EIF4ENIF1: variants seen among roughly 807,000 people sequenced by gnomAD.
EIF4ENIF1 encodes eukaryotic translation initiation factor 4E transporter.
A neutral mutation model predicts 110.5 loss-of-function variants in EIF4ENIF1; 23 were observed. The ratio of observed to expected loss-of-function variants is 0.21; its 90% confidence interval spans 0.15 to 0.29. The LOEUF (loss-of-function observed/expected upper bound fraction) is 0.29. EIF4ENIF1 is among the 10% of genes least tolerant of loss of function. The pLI is 1.00. For synonymous variants in EIF4ENIF1, 440 were observed against 437.0 expected (o/e 1.01, Z -0.09); for missense variants, 1,031 against 1,221.1 (o/e 0.84, Z 2.32).
In EIF4ENIF1 at chr22:31,462,929, G is replaced by A. The variant is rs776459554; in HGVS notation, c.787+3C>T. 1 of 1,613,274 alleles carries A rather than the reference G, an allele frequency of 6.2e-7. No individual in the cohort carries two copies. The highest frequency in any genetic ancestry group is 8.5e-7 in the Non-Finnish European group (1 of 1,179,814). ...GAACTTCCCTCCCAAAGTTTGAACT[G>A]ACCTTCCTTCACAGAGGCTGTCCGT... On this transcript the variant is annotated splice_donor_region_variant and intron_variant, in intron 6 of 18. Transcript: ENST00000330125.
intron 2 of EIF4ENIF1, among the ~76,000 whole-genome samples, chr22:31,477,357 C>CAAAAAAAAAAAAA (rs749894840): frequency 6.4e-5 from 3 of 46,854 alleles, no homozygotes; most frequent in East Asian, 1.1e-3. Context: ...CCTCTGTCTC[C>CAAAAAAAAAAAAA]AAAAAAAAAA....
At chr22:31,448,283 G>C (rs1340647135) in intron 12 of EIF4ENIF1, 51 bp from the exon 13 acceptor site, 3 of 1,576,202 alleles carry the variant, frequency 1.9e-6, no homozygotes, top group African/African-American at 1.4e-5. Context: ...GTGTGCATCA[G>C]GGAGGCATTT....
At position 31,462,904 on chromosome 22, in the gene EIF4ENIF1, GA is replaced by G. The variant is rs1336980896; in HGVS notation, c.787+27del. 2.5e-6 allele frequency: 4 copies of G among 1,609,344 alleles called. No homozygotes were observed. The African/African-American group carries it at 4.0e-5, about 16-fold the overall frequency. ...AGCCTACATCTCATTTTAAAACAGC[GA>G]ACTTCCCTCCCAAAGTTTGAACTGA... On this transcript the variant is annotated intron_variant, in intron 6 of 18. Coordinates refer to ENST00000330125, the MANE Select transcript of EIF4ENIF1 (RefSeq NM_019843.4).
chr22:31,484,377 C>T (rs1007133178), intron 2 of EIF4ENIF1, among the ~76,000 whole-genome samples: 4 of 152,084 alleles, frequency 2.6e-5, no homozygotes, highest in African/African-American at 9.7e-5. Flanking sequence ...AAAAACTCTT[C>T]GAATTCTGAA....
In EIF4ENIF1 at chr22:31,441,932, G is replaced by A. The variant is rs1287648254; in HGVS notation, c.2393C>T (p.Pro798Leu). ...GCGGAGAAAAGGTGTTGTAGGAACTGGGGATGCCAAGGTGGGTGTTTTTCT... is the reference window on the plus strand; with the variant it reads ...GCGGAGAAAAGGTGTTGTAGGAACTAGGGATGCCAAGGTGGGTGTTTTTCT... ...TGRKTPTLAS[P>L]VPTTPFLRPV... is the part of the protein sequence containing the mutation. Residue 798 changes from proline to leucine, a missense_variant, in exon 17 of 19, where the codon CCA (proline) becomes CTA (leucine). Physicochemically the swap from Pro to Leu is moderately conservative, Grantham distance 98. Transcript: ENST00000330125. The A allele has an allele frequency of 1.2e-6, 2 of 1,614,070 alleles. No homozygotes were observed. Among genetic ancestry groups the A allele is most frequent in the Non-Finnish European group, 1.7e-6 (2 of 1,180,048 alleles).
intron 17 of EIF4ENIF1, among the ~76,000 whole-genome samples, chr22:31,441,548 A>AG (rs1339524866): frequency 2.2e-5 from 3 of 137,068 alleles, no homozygotes; most frequent in African/African-American, 5.7e-5. Flanking sequence ...CTCTACAAAA[A>AG]GGAAAAAAAA....
intron 10 of EIF4ENIF1, among the ~76,000 whole-genome samples, chr22:31,453,809 A>G (rs2050743540): frequency 6.6e-6 from 1 of 152,238 alleles, no homozygotes; most frequent in African/African-American, 2.4e-5. Context: ...AAGTAGCTGA[A>G]TAACAAGAAA....
chr22:31,492,010 G>T (rs903763319), upstream of EIF4ENIF1, among the ~76,000 whole-genome samples: 2 of 152,196 alleles, frequency 1.3e-5, no homozygotes, highest in African/African-American at 4.8e-5. Context: ...CACCAGTGGG[G>T]GCAGCCCAAA....
At chr22:31,456,433 C>T (rs1209483556) in intron 7 of EIF4ENIF1, among the ~76,000 whole-genome samples, 18 of 151,898 alleles carry the variant, frequency 1.2e-4, no homozygotes, top group Non-Finnish European at 2.6e-4. Context: ...CCGTGTTAGC[C>T]AGGATGGTCT....
chr22:31,491,535 G>A (rs775162061), upstream of EIF4ENIF1, among the ~76,000 whole-genome samples: 2 of 152,148 alleles, frequency 1.3e-5, no homozygotes, highest in Non-Finnish European at 2.9e-5. Flanking sequence ...TAGGCTTGCA[G>A]AGGGAATTAA....
chr22:31,484,289 A>G (rs891893508), intron 2 of EIF4ENIF1, among the ~76,000 whole-genome samples: 6 of 152,166 alleles, frequency 3.9e-5, no homozygotes, highest in Non-Finnish European at 7.3e-5. Context: ...GTCTTCACAC[A>G]AAAGGAAACT....
chr22:31,464,284 C>G (rs765739648), intron 4 of EIF4ENIF1: 1 of 266,328 alleles, frequency 3.8e-6, no homozygotes, highest in Non-Finnish European at 7.0e-6. Flanking sequence ...TAATAAACTA[C>G]AGCAGGCGTA....
intron 2 of EIF4ENIF1, among the ~76,000 whole-genome samples, chr22:31,479,987 C>A (rs1399914359): frequency 6.6e-6 from 1 of 152,128 alleles, no homozygotes. Context: ...GCTGGGATTA[C>A]AAGTGTGAGC....
rs371932404 is a variant in EIF4ENIF1, at chr22:31,461,297, A to G, written c.787+1635T>C. ...ATCAGCCTGGGACTGGCCACCTTAG[A>G]GCCAGGTCACTGCCCTAAAAAATGA... On this transcript the variant is annotated intron_variant, in intron 6 of 18. Transcript: ENST00000330125. Among the ~76,000 whole-genome samples the G allele has an allele frequency of 2.3e-4, 35 of 152,218 alleles. No homozygotes were observed. In the East Asian group the frequency reaches 4.4e-3, roughly 19 times the overall value.
At chr22:31,476,535 A>G (rs2051578258) in intron 2 of EIF4ENIF1, among the ~76,000 whole-genome samples, 1 of 152,248 alleles carries the variant, frequency 6.6e-6, no homozygotes, top group Admixed American at 6.5e-5. Context: ...AAGAGAGAGG[A>G]CAACTAAACA....
chr22:31,464,246 A>G, intron 4 of EIF4ENIF1: 1 of 338,420 alleles, frequency 3.0e-6, no homozygotes, highest in Non-Finnish European at 5.3e-6. Flanking sequence ...ATCCTTATCT[A>G]AGAATTATTA....
intron 3 of EIF4ENIF1, among the ~76,000 whole-genome samples, chr22:31,471,367 TGCA>T (rs2051372036): frequency 2.0e-5 from 3 of 150,384 alleles, no homozygotes; most frequent in Non-Finnish European, 4.4e-5. Context: ...CAGGCTGGAG[TGCA>T]GTAGTGCGAT....
intron 11 of EIF4ENIF1, 76 bp downstream of exon 11, chr22:31,450,213 T>C: frequency 8.5e-7 from 1 of 1,173,970 alleles, no homozygotes; most frequent in Non-Finnish European, 1.3e-6. Context: ...AGGCCCAAAG[T>C]TGGACCACTA....
At chr22:31,444,475 T>G (rs769240088) in intron 15 of EIF4ENIF1, 131 bp downstream of exon 15, 3 of 853,786 alleles carry the variant, frequency 3.5e-6, no homozygotes, top group South Asian at 1.5e-5. Context: ...TAGACAGTTA[T>G]GAAAAACTAC....
Sources: gnomAD v4.1 joint callset for allele counts (sites outside exome capture counted in the v4.1 genomes callset) on GRCh38, gnomAD v4.1.1 for gene constraint, MANE v1.5 for transcripts, NCBI Gene and HGNC (gene_info 2026-07-23, HGNC 2026-07-21) for gene names.